Variants in NUGGC observed in about 807,000 individuals in gnomAD.
The protein encoded by NUGGC is nuclear GTPase, germinal center associated, also known as nuclear GTPase SLIP-GC.
A neutral mutation model predicts 92.6 loss-of-function variants in NUGGC; 58 were observed. The ratio of observed to expected loss-of-function variants is 0.63; its 90% confidence interval spans 0.51 to 0.78. NUGGC has a LOEUF of 0.78. Among genes scored for constraint, NUGGC ranks in the 30% least tolerant of loss-of-function variants. NUGGC has a pLI of 0.00. For missense variants in NUGGC, 925 were observed against 964.6 expected (o/e 0.96, Z 0.54); for synonymous variants, 376 against 366.4 (o/e 1.03, Z -0.30).
chr8:28,062,448 T>C (rs1182372896), intron 7 of NUGGC, among the ~76,000 whole-genome samples: 1 of 142,296 alleles, frequency 7.0e-6, no homozygotes, highest in Non-Finnish European at 1.5e-5. Flanking sequence ...AAATCTCATC[T>C]CTACAAAAAA....
rs1233786051 is a variant in NUGGC at position 28,060,512 on chromosome 8, G to T, written c.1011C>A (p.Ser337Arg). ...AGAAGCCCCGCTGGCAGGCTTTGAT[G>T]CTCTCATTCAGAAGGTCTTCGTGGG... Reference protein sequence around the residue: ...GQAHEDLLNESIKACQRGFCR... With the variant: ...GQAHEDLLNERIKACQRGFCR... Residue 337 changes from serine to arginine, a missense_variant, in exon 8 of 19, where the codon AGC becomes AGA. Ser to Arg is a moderately radical substitution (Grantham distance 110). Coordinates refer to ENST00000413272, the MANE Select transcript of NUGGC (RefSeq NM_001010906.2). The T allele has an allele frequency of 1.9e-6, 3 of 1,613,850 alleles. No individual in the cohort carries two copies. The highest frequency in any genetic ancestry group is 1.7e-6 in the Non-Finnish European group (2 of 1,179,826).
At chr8:28,035,492 T>C (rs557448000) in intron 13 of NUGGC, among the ~76,000 whole-genome samples, 12 of 152,318 alleles carry the variant, frequency 7.9e-5, no homozygotes, top group Non-Finnish European at 1.8e-4. Context: ...TCGCTGGTGC[T>C]GGCTCCTGGC....
intron 9 of NUGGC, among the ~76,000 whole-genome samples, chr8:28,057,345 T>C (rs1423061602): frequency 6.6e-6 from 1 of 150,802 alleles, no homozygotes; most frequent in Non-Finnish European, 1.5e-5. Flanking sequence ...TTTTTTTTTT[T>C]TTTGTTGTTG....
Position 28,055,448 on chromosome 8 carries a change from G to T in NUGGC, c.1206+517C>A, listed in dbSNP as rs368792613. Among the ~76,000 whole-genome samples, 21 of 152,124 alleles carry T rather than the reference G, an allele frequency of 1.4e-4. No homozygotes were observed. In the East Asian group the frequency reaches 4.1e-3, roughly 29 times the overall value. ...TCCTCTGTGGACCACATGCTCATTC[G>T]ACCCTCTCAACAATCACGGGAGATA... On this transcript the variant is annotated intron_variant, in intron 10 of 18. Coordinates refer to ENST00000413272, the MANE Select transcript of NUGGC (RefSeq NM_001010906.2).
chr8:28,048,371 A>T (rs6983473), intron 10 of NUGGC, among the ~76,000 whole-genome samples: 41,316 of 152,044 alleles, frequency 0.27, 5,919 homozygotes, highest in East Asian at 0.45. Flanking sequence ...ACACCACAGG[A>T]ATTGGCAAAT....
At chr8:28,040,152 C>T (rs1563217675) in intron 13 of NUGGC, among the ~76,000 whole-genome samples, 2 of 152,166 alleles carry the variant, frequency 1.3e-5, no homozygotes, top group African/African-American at 4.8e-5. Context: ...TCAGGCCACC[C>T]AGTCTATAGG....
rs537022362 is a variant in NUGGC, at chr8:28,063,728, G to A, written c.921+794C>T. 1.1e-4 allele frequency among the ~76,000 whole-genome samples: 17 copies of A among 152,276 alleles called. No homozygotes were observed. The South Asian group carries it at 1.2e-3, about 11-fold the overall frequency. ...TTGCTCTAGATTGTGACTGGAAGTC[G>A]TGGTTACCAAGCTCCCCTGGCACAA... On this transcript the variant is annotated intron_variant, in intron 7 of 18. Coordinates refer to ENST00000413272, the MANE Select transcript of NUGGC (RefSeq NM_001010906.2).
Sources: gnomAD v4.1 joint callset for allele counts (sites outside exome capture counted in the v4.1 genomes callset) on GRCh38, gnomAD v4.1.1 for gene constraint, MANE v1.5 for transcripts, NCBI Gene and HGNC (gene_info 2026-07-23, HGNC 2026-07-21) for gene names.